Variants in SORCS2 observed in about 807,000 individuals in gnomAD.
SORCS2 encodes the protein VPS10 domain-containing receptor SorCS2.
A neutral mutation model predicts 141.6 loss-of-function variants in SORCS2; 100 were observed. The ratio of observed to expected loss-of-function variants is 0.71; its 90% CI spans 0.60 to 0.83. The LOEUF (loss-of-function observed/expected upper bound fraction) is 0.83. SORCS2 is among the 40% of genes least tolerant of loss of function. The probability of loss-of-function intolerance (pLI) is 0.00; values close to 1 mark genes in which losing one functional copy is unlikely to be tolerated. For missense variants in SORCS2, 1,646 were observed against 1,560.2 expected (o/e 1.05, Z -0.93); for synonymous variants, 789 against 676.9 (o/e 1.17, Z -2.57).
intron 3 of SORCS2, among the ~76,000 whole-genome samples, chr4:7,631,993 A>T (rs998252689): frequency 6.6e-6 from 1 of 152,232 alleles, no homozygotes; most frequent in Non-Finnish European, 1.5e-5. Flanking sequence ...TAGAGGTGAC[A>T]CAGACATCAG....
intron 2 of SORCS2, among the ~76,000 whole-genome samples, chr4:7,511,975 C>G (rs1029341045): frequency 1.7e-4 from 26 of 152,226 alleles, no homozygotes; most frequent in African/African-American, 5.8e-4. Context: ...GTGGGAGACA[C>G]GGTGCCCTCC....
In SORCS2 at chr4:7,559,806, A is replaced by G. The variant is rs1714402459; in HGVS notation, c.648+28177A>G. Among the ~76,000 whole-genome samples, 7 of 152,392 alleles carry G rather than the reference A, an allele frequency of 4.6e-5. No homozygotes were observed. The South Asian group carries it at 1.4e-3, about 32-fold the overall frequency. ...TGAACAAACGGCTCTCCACAAGGGCATAGCCCAGCACAGGTGCCCACTGAC... is the reference window on the plus strand; with the variant it reads ...TGAACAAACGGCTCTCCACAAGGGCGTAGCCCAGCACAGGTGCCCACTGAC... On this transcript the variant is annotated intron_variant, in intron 3 of 26. Coordinates refer to ENST00000507866, the MANE Select transcript of SORCS2 (RefSeq NM_020777.3).
At chr4:7,425,975 C>T (rs139758581) in intron 2 of SORCS2, among the ~76,000 whole-genome samples, 8 of 152,362 alleles carry the variant, frequency 5.3e-5, no homozygotes, top group South Asian at 2.1e-4. Context: ...ATCATGATCC[C>T]GTCCTGGGGA....
chr4:7,459,707 C>A (rs1729166305), intron 2 of SORCS2, among the ~76,000 whole-genome samples: 1 of 152,180 alleles, frequency 6.6e-6, no homozygotes, highest in African/African-American at 2.4e-5. Flanking sequence ...AGCATGGCCT[C>A]AAGTGTCCCA....
chr4:7,474,879 T>G (rs28726347), intron 2 of SORCS2, among the ~76,000 whole-genome samples: 21,577 of 151,640 alleles, frequency 0.14, 2,095 homozygotes, highest in African/African-American at 0.26. Context: ...TCCTGGGGAG[T>G]TCCCTTCTGG....
At chr4:7,443,929 A>G (rs1577572764) in intron 2 of SORCS2, among the ~76,000 whole-genome samples, 1 of 152,190 alleles carries the variant, frequency 6.6e-6, no homozygotes, top group African/African-American at 2.4e-5. Flanking sequence ...CTGCTGGCCG[A>G]TCTTAACACA....
intron 1 of SORCS2, among the ~76,000 whole-genome samples, chr4:7,321,329 T>C (rs1282405648): frequency 4.6e-5 from 7 of 152,188 alleles, no homozygotes; most frequent in African/African-American, 1.7e-4. Flanking sequence ...CATATTTTCT[T>C]TATTCACTCA....
At chr4:7,396,143 T>C (rs1724197723) in intron 1 of SORCS2, 145 bp from the exon 2 acceptor site, 1 of 661,500 alleles carries the variant, frequency 1.5e-6, no homozygotes, top group Non-Finnish European at 2.6e-6. Context: ...GCCCAGAGCC[T>C]CTCAGGGATA....
chr4:7,434,850 G>T, intron 2 of SORCS2: 1 of 1,585,418 alleles, frequency 6.3e-7, no homozygotes, highest in Non-Finnish European at 8.6e-7. Context: ...CCCCCAGGAG[G>T]CTGGGCAGGA....
intron 3 of SORCS2, among the ~76,000 whole-genome samples, chr4:7,535,641 C>T (rs758677516): frequency 2.6e-5 from 4 of 152,250 alleles, no homozygotes; most frequent in East Asian, 1.9e-4. Context: ...TGTGACCCAC[C>T]GTTATCCTTA....
chr4:7,725,427 G>A lies in SORCS2; in HGVS notation c.2745+140G>A, dbSNP rs895048800. 8 of 1,261,970 alleles carry A rather than the reference G, an allele frequency of 6.3e-6. No individual in the cohort carries two copies. The East Asian group carries it at 7.7e-5, about 12-fold the overall frequency. The allele number at this position is 1,261,970 out of a possible 1,614,324, so 78.2% of individuals were successfully genotyped here. On this transcript the variant is annotated intron_variant, in intron 20 of 26. Coordinates refer to ENST00000507866, the MANE Select transcript of SORCS2 (RefSeq NM_020777.3). ...TCCTCACCCTTGGGCCCCTCCTGGG[G>A]CAGTTGAGAGGGGCACACCCTCCGT...
chr4:7,403,998 T>TATATATATATATATA (rs59841056), intron 2 of SORCS2, among the ~76,000 whole-genome samples: 95 of 12,212 alleles, frequency 7.8e-3, no homozygotes, highest in Middle Eastern at 0.12. Context: ...TATATATATA[T>TATATATATATATATA]TTTTTTTTTT....
chr4:7,566,729 G>T (rs1022468112), intron 3 of SORCS2, among the ~76,000 whole-genome samples: 1 of 152,260 alleles, frequency 6.6e-6, no homozygotes, highest in Admixed American at 6.5e-5. Flanking sequence ...CAGCCAACTG[G>T]CTAGAGCTAG....
chr4:7,518,313 A>G (rs1305336686), intron 2 of SORCS2, among the ~76,000 whole-genome samples: 1 of 152,172 alleles, frequency 6.6e-6, no homozygotes, highest in Non-Finnish European at 1.5e-5. Context: ...TCTCAAGCCC[A>G]GTCTCTGGTC....
chr4:7,454,456 A>C (rs34711670), intron 2 of SORCS2, among the ~76,000 whole-genome samples: 120,827 of 123,914 alleles, frequency 0.98, 59,012 homozygotes, highest in East Asian at 1. Flanking sequence ...GTGTTAGTGT[A>C]ATGCGCCACG....
chr4:7,403,997 A>ATATATATATATTTT (rs1265288820), intron 2 of SORCS2, among the ~76,000 whole-genome samples: 3 of 18,974 alleles, frequency 1.6e-4, no homozygotes, highest in Non-Finnish European at 2.5e-4. Context: ...ATATATATAT[A>ATATATATATATTTT]TTTTTTTTTT....
rs1425946155 is a variant in SORCS2 at position 7,403,987 on chromosome 4, ATATATATATATTTTTTTT to A, written c.548+7634_548+7651del. Among the ~76,000 whole-genome samples, 6 of 22,138 alleles carry A rather than the reference ATATATATATATTTTTTTT, an allele frequency of 2.7e-4. 1 individual carries two copies. Among genetic ancestry groups the A allele is most frequent in the African/African-American group, 6.7e-4 (6 of 8,990 alleles). The allele number at this position is 22,138 out of a possible 152,430, so 14.5% of individuals were successfully genotyped here. ...TATATATATATATATATATATATAT[ATATATATATATTTTTTTT>A]TTTTTTTTAGTATCCATTTATGAGT... is the stretch of plus-strand genomic sequence containing the variant. On this transcript the variant is annotated intron_variant, in intron 2 of 26. Transcript: ENST00000507866.
At chr4:7,728,229 A>G (rs918069050) in intron 21 of SORCS2, 121 bp from the exon 22 acceptor site, 2 of 636,164 alleles carry the variant, frequency 3.1e-6, no homozygotes, top group Non-Finnish European at 5.5e-6. Flanking sequence ...GGGCCCTGGG[A>G]TCTGAATCAA....
chr4:7,645,302 C>T (rs903863958), intron 4 of SORCS2, among the ~76,000 whole-genome samples: 3 of 152,084 alleles, frequency 2.0e-5, no homozygotes, highest in Non-Finnish European at 4.4e-5. Context: ...CTCCTCAGCC[C>T]CTGGTACAGT....
Sources: allele counts gnomAD v4.1 joint callset (sites outside exome capture counted in the v4.1 genomes callset), GRCh38; gene constraint gnomAD v4.1.1; transcripts MANE v1.5; gene names NCBI Gene and HGNC (gene_info 2026-07-23, HGNC 2026-07-21).